SLC39A9: variants seen among roughly 807,000 people sequenced by gnomAD.
SLC39A9 encodes solute carrier family 39 member 9.
SLC39A9 carries 14 observed loss-of-function variants against 28.4 expected under a neutral mutation model. That is an observed-to-expected ratio of 0.49 (90% confidence interval 0.33 to 0.77). The LOEUF (loss-of-function observed/expected upper bound fraction) is 0.77, where lower values mean the gene tolerates loss of function less well. Ranked by LOEUF, SLC39A9 falls within the 30% of genes least tolerant of loss-of-function variation. The pLI, the probability that SLC39A9 is intolerant of heterozygous loss-of-function variation, is 0.02. For missense variants in SLC39A9, 283 were observed against 381.1 expected, an observed-to-expected ratio of 0.74 and a Z score of 2.14; for synonymous variants, 119 against 149.6, an observed-to-expected ratio of 0.80 and a Z score of 1.49.
At chr14:69,445,502 G>A (rs1014932752) in intron 3 of SLC39A9, among the ~76,000 whole-genome samples, 1 of 152,102 alleles carries the variant, frequency 6.6e-6, no homozygotes, top group Non-Finnish European at 1.5e-5. Context: ...AATCGACTTT[G>A]TTATCATTAA....
At chr14:69,455,696 C>G (rs1244949741) in intron 5 of SLC39A9, 36 bp from the exon 6 acceptor site, 1 of 1,613,140 alleles carries the variant, frequency 6.2e-7, no homozygotes, top group Admixed American at 1.7e-5. Context: ...ACCCATACTT[C>G]TAGAATGATA....
rs990676525 is a variant in SLC39A9 at position 69,462,031 on chromosome 14, A to G, written c.*3438A>G. The G allele has an allele frequency of 7.5e-6, 2 of 266,202 alleles. No individual in the cohort carries two copies. Among genetic ancestry groups the G allele is most frequent in the African/African-American group, 2.2e-5 (1 of 45,548 alleles). The allele number at this position is 266,202 out of a possible 1,614,324, so 16.5% of individuals were successfully genotyped here. On this transcript the variant is annotated 3_prime_UTR_variant, in exon 7 of 7. Coordinates refer to ENST00000336643, the MANE Select transcript of SLC39A9 (RefSeq NM_018375.5). Reference sequence around the variant, plus strand: ...AAACCTCTTTGTACCTGAGACATCTAGATTCACCTCAGGAGGCCTGAAGGA... The same window carrying G: ...AAACCTCTTTGTACCTGAGACATCTGGATTCACCTCAGGAGGCCTGAAGGA...
In SLC39A9 at chr14:69,416,113, C is replaced by A. The variant is rs1468755005; in HGVS notation, c.97-7981C>A. Among the ~76,000 whole-genome samples the A allele has an allele frequency of 2.0e-5, 3 of 152,120 alleles. No homozygotes were observed. The East Asian group carries it at 5.8e-4, about 29-fold the overall frequency. ...GGCCCTGGTGTGTGATGTTCCCCAC[C>A]CTGTGTCCAAGTGTTACCCCATGAC... On this transcript the variant is annotated intron_variant, in intron 1 of 6. Coordinates refer to ENST00000336643, the MANE Select transcript of SLC39A9 (RefSeq NM_018375.5).
Position 69,458,683 on chromosome 14 carries a change from T to C in SLC39A9, c.*90T>C, listed in dbSNP as rs1885982621. On this transcript the variant is annotated 3_prime_UTR_variant, in exon 7 of 7. Transcript: ENST00000336643. ...AGCTACTCACTTCCTCAGTCTCTTG[T>C]CTCACCTTGCGCATCTCTACATGTA... 6.8e-7 allele frequency: 1 copy of C among 1,461,116 alleles called. No homozygotes were observed. The highest frequency in any genetic ancestry group is 2.5e-5 in the East Asian group (1 of 40,072). 90.5% of individuals were successfully genotyped at this position (1,461,116 alleles called of 1,614,324 possible).
intron 3 of SLC39A9, among the ~76,000 whole-genome samples, chr14:69,447,551 G>A (rs1450404747): frequency 6.6e-6 from 1 of 152,118 alleles, no homozygotes; most frequent in Non-Finnish European, 1.5e-5. Context: ...TATATGAACT[G>A]CCTCGGTCTC....
rs184673612 is a variant in SLC39A9 at position 69,460,272 on chromosome 14, A to G, written c.*1679A>G. On this transcript the variant is annotated 3_prime_UTR_variant, in exon 7 of 7. Transcript: ENST00000336643. ...ATTTCCTTCATGAATTTGTCACTGGATCAGCAGCTGTGGAAATAAAGCTTG... is the reference window on the plus strand; with the variant it reads ...ATTTCCTTCATGAATTTGTCACTGGGTCAGCAGCTGTGGAAATAAAGCTTG... The G allele has an allele frequency of 1.4e-4, 136 of 985,852 alleles. No homozygotes were observed. Among genetic ancestry groups the G allele is most frequent in the Admixed American group, 3.1e-4 (5 of 16,296 alleles). 61.1% of individuals were successfully genotyped at this position (985,852 alleles called of 1,614,324 possible). A position where few individuals can be genotyped will look rare whatever the true frequency, so the allele number is the denominator to read the frequency against.
In SLC39A9 at chr14:69,458,612, T is replaced by TG; in HGVS notation, c.*21dup. 6.3e-7 allele frequency: 1 copy of TG among 1,587,846 alleles called. No individual in the cohort carries two copies. The highest frequency in any genetic ancestry group is 1.8e-5 in the Admixed American group (1 of 56,646). On this transcript the variant is annotated 3_prime_UTR_variant, in exon 7 of 7. Coordinates refer to ENST00000336643, the MANE Select transcript of SLC39A9 (RefSeq NM_018375.5). ...GCATTAAATGTTCAAGGTCCAGCCT[T>TG]GGTCCAGGGCCGTTTGCCATCCAGT...
intron 2 of SLC39A9, among the ~76,000 whole-genome samples, chr14:69,440,679 T>C (rs1054475405): frequency 2.6e-5 from 4 of 152,124 alleles, no homozygotes; most frequent in African/African-American, 7.2e-5. Context: ...TGTTTTGTTT[T>C]GTTTTGTTTT....
Position 69,460,115 on chromosome 14 carries a change from T to C in SLC39A9, c.*1522T>C. 3 of 982,278 alleles carry C rather than the reference T, an allele frequency of 3.1e-6. No individual in the cohort carries two copies. Among genetic ancestry groups the C allele is most frequent in the Non-Finnish European group, 3.6e-6 (3 of 826,638 alleles). 60.8% of individuals were successfully genotyped at this position (982,278 alleles called of 1,614,324 possible). On this transcript the variant is annotated 3_prime_UTR_variant, in exon 7 of 7. Transcript: ENST00000336643. ...AGTGTATAATATTGTATTATTAATT[T>C]ATTTTTACTTTCTATACCATTTCAA...
intron 1 of SLC39A9, among the ~76,000 whole-genome samples, chr14:69,416,178 G>T (rs1883571067): frequency 6.6e-6 from 1 of 151,772 alleles, no homozygotes; most frequent in Non-Finnish European, 1.5e-5. Context: ...GTGTCCAAGT[G>T]TTCTCATTGA....
At position 69,406,848 on chromosome 14, in the gene SLC39A9, G is replaced by GTTTTT. The variant is rs398025544; in HGVS notation, c.96+7399_96+7403dup. On this transcript the variant is annotated intron_variant, in intron 1 of 6. Coordinates refer to ENST00000336643, the MANE Select transcript of SLC39A9 (RefSeq NM_018375.5). ...ATATTAGTTAGACTGGAAATTCTTT[G>GTTTTT]TTTTTTTTTTTTTTTTTTTTGAGAT... Among the ~76,000 whole-genome samples, 256 of 95,890 alleles carry GTTTTT rather than the reference G, an allele frequency of 2.7e-3. 13 individuals are homozygous for GTTTTT. The highest frequency in any genetic ancestry group is 9.8e-3 in the Middle Eastern group (1 of 102). 62.9% of individuals were successfully genotyped at this position (95,890 alleles called of 152,430 possible).
intron 1 of SLC39A9, among the ~76,000 whole-genome samples, chr14:69,421,549 A>G (rs1482164119): frequency 1.3e-5 from 2 of 152,214 alleles, no homozygotes; most frequent in African/African-American, 2.4e-5. Context: ...ATCAGTCAGG[A>G]ACGTTTAAGA....
Position 69,461,016 on chromosome 14 carries a change from T to G in SLC39A9, c.*2423T>G. On this transcript the variant is annotated 3_prime_UTR_variant, in exon 7 of 7. Transcript: ENST00000336643. ...AGAGGCCATGTCCGTGTTCACTTCT[T>G]GGCACATTTCAGTTCCGTTTTCCTC... 1 of 985,644 alleles carries G rather than the reference T, an allele frequency of 1.0e-6. No homozygotes were observed. Among genetic ancestry groups the G allele is most frequent in the Non-Finnish European group, 1.2e-6 (1 of 830,108 alleles). The allele number at this position is 985,644 out of a possible 1,614,324, so 61.1% of individuals were successfully genotyped here.
intron 1 of SLC39A9, among the ~76,000 whole-genome samples, chr14:69,414,323 G>A (rs1035052580): frequency 1.3e-5 from 2 of 152,170 alleles, no homozygotes; most frequent in African/African-American, 4.8e-5. Flanking sequence ...TGTGACCCTA[G>A]GGTAGAGTAT....
At chr14:69,450,118 G>C (rs1885533751) in intron 3 of SLC39A9, among the ~76,000 whole-genome samples, 1 of 152,000 alleles carries the variant, frequency 6.6e-6, no homozygotes, top group Admixed American at 6.6e-5. Context: ...GAACCTGGGA[G>C]ACAGAGGTTT....
At chr14:69,404,348 C>T (rs1379145116) in intron 1 of SLC39A9, among the ~76,000 whole-genome samples, 1 of 152,218 alleles carries the variant, frequency 6.6e-6, no homozygotes, top group African/African-American at 2.4e-5. Flanking sequence ...GAGACAGTAT[C>T]ATTCAAAGTC....
At chr14:69,435,929 T>TC (rs1181151512) in intron 2 of SLC39A9, among the ~76,000 whole-genome samples, 3 of 152,118 alleles carry the variant, frequency 2.0e-5, no homozygotes, top group Non-Finnish European at 2.9e-5. Context: ...TGCCTTGGCC[T>TC]CCAAAAGTGC....
chr14:69,434,689 A>G (rs1423370007), intron 2 of SLC39A9, among the ~76,000 whole-genome samples: 2 of 152,162 alleles, frequency 1.3e-5, no homozygotes, highest in South Asian at 2.1e-4. Flanking sequence ...AGAAAAAAGA[A>G]TTTAATGCTA....
At chr14:69,424,804 A>G (rs929657426) in intron 2 of SLC39A9, among the ~76,000 whole-genome samples, 2 of 152,122 alleles carry the variant, frequency 1.3e-5, no homozygotes, top group African/African-American at 4.8e-5. Flanking sequence ...CGATTACTAC[A>G]TGTCATGAAA....
Sources: allele counts gnomAD v4.1 joint callset (sites outside exome capture counted in the v4.1 genomes callset), GRCh38; gene constraint gnomAD v4.1.1; transcripts MANE v1.5; gene names NCBI Gene and HGNC (gene_info 2026-07-23, HGNC 2026-07-21).